The following MMP16 variants were observed in gnomAD, a reference collection of about 807,000 sequenced individuals.
MMP16 encodes matrix metalloproteinase-16.
In MMP16, 12 loss-of-function variants were observed where a neutral mutation model predicts 67.8. The observed-to-expected ratio is 0.18, with a 90% CI of 0.11 to 0.29. The LOEUF is 0.29. Ranked by LOEUF, MMP16 falls within the 10% of genes least tolerant of loss-of-function variation. MMP16 has a pLI of 1.00. For missense variants in MMP16, 475 were observed against 765.7 expected (o/e 0.62, Z 4.48); for synonymous variants, 249 against 255.9 (o/e 0.97, Z 0.26).
chr8:88,309,513 TA>T (rs986471917), intron 1 of MMP16, among the ~76,000 whole-genome samples: 1 of 151,672 alleles, frequency 6.6e-6, no homozygotes, highest in Non-Finnish European at 1.5e-5. Context: ...AATCTTTCTT[TA>T]AAAAAAATGA....
At chr8:88,269,373 T>G (rs1368463672) in intron 1 of MMP16, among the ~76,000 whole-genome samples, 2 of 152,010 alleles carry the variant, frequency 1.3e-5, no homozygotes, top group African/African-American at 4.8e-5. Context: ...GGGTAACACC[T>G]TCACAGGGCA....
chr8:88,170,646 A>G (rs990164447), intron 3 of MMP16, among the ~76,000 whole-genome samples: 11 of 152,150 alleles, frequency 7.2e-5, no homozygotes, highest in Admixed American at 7.2e-4. Context: ...GATAAATAAT[A>G]AACAGAAAAA....
chr8:88,076,053 A>G (rs1051560524), intron 6 of MMP16, among the ~76,000 whole-genome samples: 1 of 151,962 alleles, frequency 6.6e-6, no homozygotes, highest in Non-Finnish European at 1.5e-5. Flanking sequence ...TCCGAATATG[A>G]ACTGTCTTAA....
At chr8:88,258,401 G>A (rs1310678098) in intron 1 of MMP16, among the ~76,000 whole-genome samples, 1 of 152,070 alleles carries the variant, frequency 6.6e-6, no homozygotes, top group African/African-American at 2.4e-5. Flanking sequence ...CCAGTGAGTC[G>A]GCTGTAAGGC....
At chr8:88,171,450 G>C (rs770983609) in intron 3 of MMP16, among the ~76,000 whole-genome samples, 5 of 152,096 alleles carry the variant, frequency 3.3e-5, no homozygotes, top group Non-Finnish European at 5.9e-5. Flanking sequence ...GAGATAAAAA[G>C]GATCATTAAG....
chr8:88,109,380 A>G (rs1174768635), intron 6 of MMP16, among the ~76,000 whole-genome samples: 1 of 151,320 alleles, frequency 6.6e-6, no homozygotes, highest in African/African-American at 2.4e-5. Flanking sequence ...AAAGATTTAT[A>G]CTTGTAAGAC....
At chr8:88,195,280 C>G (rs1809232271) in intron 2 of MMP16, among the ~76,000 whole-genome samples, 2 of 152,186 alleles carry the variant, frequency 1.3e-5, no homozygotes. Context: ...TTTTCTAGGA[C>G]TCCACTTTCT....
chr8:88,318,240 A>G lies in MMP16; in HGVS notation c.132+8835T>C, dbSNP rs573697476. Among the ~76,000 whole-genome samples, 20 of 152,318 alleles carry G rather than the reference A, an allele frequency of 1.3e-4. No homozygotes were observed. The South Asian group carries it at 4.1e-3, about 32-fold the overall frequency. On this transcript the variant is annotated intron_variant, in intron 1 of 9. Coordinates refer to ENST00000286614, the MANE Select transcript of MMP16 (RefSeq NM_005941.5). Reference sequence around the variant, plus strand: ...ATCAGATTTAATGGTAAACTGCAATATAACAAATAATTGACAAATAAAATA... The same window carrying G: ...ATCAGATTTAATGGTAAACTGCAATGTAACAAATAATTGACAAATAAAATA...
intron 1 of MMP16, among the ~76,000 whole-genome samples, chr8:88,252,488 C>A (rs1810240832): frequency 6.6e-6 from 1 of 151,762 alleles, no homozygotes; most frequent in Non-Finnish European, 1.5e-5. Context: ...CTATTTTTCC[C>A]AGCTTAGTAA....
At chr8:88,209,477 C>T (rs1809480156) in intron 1 of MMP16, among the ~76,000 whole-genome samples, 1 of 152,072 alleles carries the variant, frequency 6.6e-6, no homozygotes, top group Non-Finnish European at 1.5e-5. Context: ...ATTGGTAAGA[C>T]TTCTGGTCAA....
intron 1 of MMP16, among the ~76,000 whole-genome samples, chr8:88,264,805 T>C (rs997744490): frequency 5.3e-5 from 8 of 152,228 alleles, no homozygotes; most frequent in African/African-American, 1.4e-4. Context: ...TAAGTACTAT[T>C]ATAACACAGA....
rs1175562513 is a variant in MMP16 at position 88,040,431 on chromosome 8, G to A, written c.*1030C>T. ...CGACAATCCTAAGACTCTGAAAGCTGGTCTGATAGTTCTCAAAGGGTTACA... is the reference window on the plus strand; with the variant it reads ...CGACAATCCTAAGACTCTGAAAGCTAGTCTGATAGTTCTCAAAGGGTTACA... On this transcript the variant is annotated 3_prime_UTR_variant, in exon 10 of 10. Coordinates refer to ENST00000286614, the MANE Select transcript of MMP16 (RefSeq NM_005941.5). The A allele has an allele frequency of 1.3e-5, 2 of 152,368 alleles. No homozygotes were observed. Among genetic ancestry groups the A allele is most frequent in the African/African-American group, 4.8e-5 (2 of 41,428 alleles). The allele number at this position is 152,368 out of a possible 1,614,324, so 9.4% of individuals were successfully genotyped here. A position where few individuals can be genotyped will look rare whatever the true frequency, so the allele number is the denominator to read the frequency against.
intron 4 of MMP16, among the ~76,000 whole-genome samples, chr8:88,123,978 C>CT (rs1807884593): frequency 1.3e-5 from 2 of 151,984 alleles, no homozygotes; most frequent in Admixed American, 1.3e-4. Flanking sequence ...TCCCTCAGTC[C>CT]TTTCTCTAAA....
rs1191912888 is a variant in MMP16 at position 88,108,975 on chromosome 8, A to G, written c.1083+7532T>C. On this transcript the variant is annotated intron_variant, in intron 6 of 9. Transcript: ENST00000286614. ...ATTAGATCCACTTAATTGAGAAATG[A>G]TTATGAAGTGCTAATTGTAAATACT... Among the ~76,000 whole-genome samples the G allele has an allele frequency of 2.0e-5, 3 of 151,358 alleles. No individual in the cohort carries two copies. In the Admixed American group the frequency reaches 2.0e-4, roughly 10 times the overall value.
chr8:88,321,511 A>G (rs1715856810), intron 1 of MMP16, among the ~76,000 whole-genome samples: 1 of 152,146 alleles, frequency 6.6e-6, no homozygotes, highest in Admixed American at 6.6e-5. Context: ...TTTGCTGCCA[A>G]TGTATTTACT....
rs555874644 is a variant in MMP16 at position 88,172,893 on chromosome 8, A to C, written c.405-4920T>G. ...CAAAACCAATGTCTTTATAAGTACA[A>C]AAGAGTTGAGAAAAGAGAAGCAAAA... On this transcript the variant is annotated intron_variant, in intron 3 of 9. Coordinates refer to ENST00000286614, the MANE Select transcript of MMP16 (RefSeq NM_005941.5). Among the ~76,000 whole-genome samples the C allele has an allele frequency of 2.0e-5, 3 of 152,326 alleles. No individual in the cohort carries two copies. The South Asian group carries it at 6.2e-4, about 32-fold the overall frequency.
intron 1 of MMP16, among the ~76,000 whole-genome samples, chr8:88,206,099 T>A (rs1179461817): frequency 6.6e-6 from 1 of 152,130 alleles, no homozygotes; most frequent in Non-Finnish European, 1.5e-5. Context: ...ATCTCTCTCA[T>A]TGCCCAACTA....
At chr8:88,049,971 G>C (rs565158340) in intron 8 of MMP16, among the ~76,000 whole-genome samples, 2 of 152,264 alleles carry the variant, frequency 1.3e-5, no homozygotes, top group African/African-American at 2.4e-5. Context: ...GCTGCAGTGA[G>C]CTGTGATTGT....
At chr8:88,291,855 T>A (rs1461213502) in intron 1 of MMP16, among the ~76,000 whole-genome samples, 2 of 152,198 alleles carry the variant, frequency 1.3e-5, no homozygotes, top group African/African-American at 4.8e-5. Flanking sequence ...TATGTTAACT[T>A]TTTTAATGAC....
Sources: allele counts gnomAD v4.1 joint callset (sites outside exome capture counted in the v4.1 genomes callset), GRCh38; gene constraint gnomAD v4.1.1; transcripts MANE v1.5; gene names NCBI Gene and HGNC (gene_info 2026-07-23, HGNC 2026-07-21).